SEC14L1: variants seen among roughly 807,000 people sequenced by gnomAD.
SEC14L1 encodes the protein SEC14 like lipid binding 1.
SEC14L1 carries 48 observed loss-of-function variants against 85.3 expected under a neutral mutation model. The observed-to-expected ratio is 0.56, with a 90% CI of 0.45 to 0.72. The LOEUF (loss-of-function observed/expected upper bound fraction) is 0.72. SEC14L1 is among the 30% of genes least tolerant of loss of function. The probability of loss-of-function intolerance (pLI) is 0.00; values close to 1 mark genes in which losing one functional copy is unlikely to be tolerated. For synonymous variants in SEC14L1, 391 were observed against 355.5 expected (o/e 1.10, Z -1.12); for missense variants, 682 against 921.4 (o/e 0.74, Z 3.36).
chr17:77,211,847 C>G, intron 14 of SEC14L1, 103 bp from the exon 15 acceptor site: 3 of 1,471,890 alleles, frequency 2.0e-6, no homozygotes, highest in African/African-American at 1.4e-5. Flanking sequence ...CCCTCCCCAG[C>G]TTCAGCACCT....
intron 3 of SEC14L1, among the ~76,000 whole-genome samples, chr17:77,150,103 C>T (rs938910906): frequency 2.0e-5 from 3 of 152,178 alleles, no homozygotes; most frequent in African/African-American, 4.8e-5. Flanking sequence ...GAATTTGTTT[C>T]GCTCTCCTGC....
chr17:77,187,379 C>A (rs73378313), intron 3 of SEC14L1, among the ~76,000 whole-genome samples: 28,807 of 151,676 alleles, frequency 0.19, 2,948 homozygotes, highest in Middle Eastern at 0.22. Flanking sequence ...TGCCCCCCCC[C>A]CACACCCCTT....
intron 3 of SEC14L1, among the ~76,000 whole-genome samples, chr17:77,168,154 G>A (rs930208555): frequency 1.4e-4 from 22 of 152,222 alleles, no homozygotes; most frequent in South Asian, 4.1e-4. Context: ...GGCCACAAGC[G>A]TGGGAGGGTT....
chr17:77,092,966 A>G (rs1439926258), intron 2 of SEC14L1, among the ~76,000 whole-genome samples: 7 of 151,776 alleles, frequency 4.6e-5, no homozygotes, highest in African/African-American at 1.7e-4. Flanking sequence ...AAAAAAAAAA[A>G]AAAAAAAGAA....
At chr17:77,210,068 C>T (rs1007217493) in intron 14 of SEC14L1, 15 of 152,302 alleles carry the variant, frequency 9.8e-5, no homozygotes, top group African/African-American at 3.6e-4. Flanking sequence ...GTCTCGAACA[C>T]CTGACCTCAG....
chr17:77,107,176 G>A (rs1182701735), intron 3 of SEC14L1, among the ~76,000 whole-genome samples: 4 of 152,266 alleles, frequency 2.6e-5, no homozygotes, highest in Middle Eastern at 6.8e-3. Context: ...AAAGAACAAA[G>A]AGCCACAAAC....
At position 77,191,799 on chromosome 17, in the gene SEC14L1, A is replaced by AT. The variant is rs761604582; in HGVS notation, c.345+501dup. On this transcript the variant is annotated intron_variant, in intron 5 of 16. Transcript: ENST00000436233. ...CTCACGTGATCCACCCCTTGGCCTA[A>AT]TTTTTTTTTTTTTTGAGATGGAGTC... Among the ~76,000 whole-genome samples, 750 of 130,280 alleles carry AT rather than the reference A, an allele frequency of 5.8e-3. 4 individuals carry two copies. Among genetic ancestry groups the AT allele is most frequent in the African/African-American group, 0.016 (536 of 34,342 alleles). The allele number at this position is 130,280 out of a possible 152,430, so 85.5% of individuals were successfully genotyped here.
At chr17:77,145,093 GTATGTA>G (rs150787462) in intron 3 of SEC14L1, 21 of 48,482 alleles carry the variant, frequency 4.3e-4, no homozygotes, top group South Asian at 1.0e-3. Context: ...GTGTGTGTGT[GTATGTA>G]TGTGTGTGTG....
At chr17:77,157,915 G>A (rs945513106) in intron 3 of SEC14L1, among the ~76,000 whole-genome samples, 3 of 151,868 alleles carry the variant, frequency 2.0e-5, no homozygotes, top group Non-Finnish European at 4.4e-5. Context: ...TTCATGTGAC[G>A]GATTTAACAT....
At chr17:77,103,120 C>CT (rs927791538) in intron 3 of SEC14L1, among the ~76,000 whole-genome samples, 40 of 147,914 alleles carry the variant, frequency 2.7e-4, no homozygotes, top group East Asian at 1.2e-3. Flanking sequence ...ATTTTTCTTT[C>CT]TTTTTTTTTT....
At chr17:77,190,024 A>G (rs1975451681) in intron 3 of SEC14L1, among the ~76,000 whole-genome samples, 1 of 152,206 alleles carries the variant, frequency 6.6e-6, no homozygotes, top group Non-Finnish European at 1.5e-5. Flanking sequence ...TGTCACATCT[A>G]AGAATTCTTT....
At chr17:77,183,785 A>C (rs1415650045) in intron 3 of SEC14L1, among the ~76,000 whole-genome samples, 1 of 151,832 alleles carries the variant, frequency 6.6e-6, no homozygotes, top group Non-Finnish European at 1.5e-5. Context: ...AGATGCCTTT[A>C]TTCTAGACAG....
rs147707504 is a variant in SEC14L1 at position 77,095,289 on chromosome 17, G to A, written c.-136+1942G>A. On this transcript the variant is annotated intron_variant, in intron 3 of 19. Coordinates refer to the SEC14L1 transcript ENST00000392476. ...GAGGAGAGTGCCTGAGTCTCCAAGA[G>A]GTCATTGTTGGTCTGCAAGCTCTTA... is the stretch of plus-strand genomic sequence containing the variant. Among the ~76,000 whole-genome samples, 101 of 152,304 alleles carry A rather than the reference G, an allele frequency of 6.6e-4. No individual in the cohort carries two copies. In the Middle Eastern group the frequency reaches 0.014, roughly 21 times the overall value.
At chr17:77,191,117 A>T (rs1975512083) in intron 4 of SEC14L1, 64 bp from the exon 5 acceptor site, 1 of 1,559,860 alleles carries the variant, frequency 6.4e-7, no homozygotes, top group Non-Finnish European at 8.8e-7. Context: ...ATGAACTTAT[A>T]CTATAGCTTC....
At chr17:77,136,900 T>A (rs902685401), upstream of SEC14L1, among the ~76,000 whole-genome samples, 5 of 151,732 alleles carry the variant, frequency 3.3e-5, no homozygotes, top group East Asian at 5.8e-4. Flanking sequence ...AGCAATAATT[T>A]CTTTTTCTTT....
In SEC14L1 at chr17:77,216,644, C is replaced by T; in HGVS notation, c.*2621C>T. The T allele has an allele frequency of 6.2e-7, 1 of 1,609,796 alleles. No individual in the cohort carries two copies. Among genetic ancestry groups the T allele is most frequent in the Non-Finnish European group, 8.5e-7 (1 of 1,176,744 alleles). ...TAGAACTGTTTGAATTGCAGCCATC[C>T]CCTGCCCCCTCCCAGGCTGAAGATC... On this transcript the variant is annotated 3_prime_UTR_variant, in exon 17 of 17. Coordinates refer to ENST00000436233, the MANE Select transcript of SEC14L1 (RefSeq NM_001143998.2).
At chr17:77,136,867 T>C (rs1285591697), upstream of SEC14L1, among the ~76,000 whole-genome samples, 2 of 152,132 alleles carry the variant, frequency 1.3e-5, no homozygotes, top group African/African-American at 4.8e-5. Flanking sequence ...AGAAAAAAAG[T>C]TTAATTGGCA....
intron 3 of SEC14L1, among the ~76,000 whole-genome samples, chr17:77,129,095 G>A (rs1204367326): frequency 6.6e-6 from 1 of 152,172 alleles, no homozygotes; most frequent in Non-Finnish European, 1.5e-5. Context: ...CAACCAACTA[G>A]AGCGGTAGGC....
intron 3 of SEC14L1, among the ~76,000 whole-genome samples, chr17:77,187,242 G>T (rs1236079487): frequency 2.0e-5 from 3 of 152,132 alleles, no homozygotes; most frequent in Non-Finnish European, 4.4e-5. Flanking sequence ...TTACAGAGGG[G>T]TGACATCTAT....
Sources: allele counts gnomAD v4.1 joint callset (sites outside exome capture counted in the v4.1 genomes callset), GRCh38; gene constraint gnomAD v4.1.1; transcripts MANE v1.5; gene names NCBI Gene and HGNC (gene_info 2026-07-23, HGNC 2026-07-21).